TBC1D30: variants seen among roughly 807,000 people sequenced by gnomAD.
The protein encoded by TBC1D30 is TBC1 domain family, member 30.
Under a neutral mutation model 63.2 loss-of-function variants are expected in TBC1D30, and 31 were observed. That is an observed-to-expected ratio of 0.49 (90% confidence interval 0.37 to 0.66). The LOEUF (loss-of-function observed/expected upper bound fraction) is 0.66. Ranked by LOEUF, TBC1D30 falls within the 30% of genes least tolerant of loss-of-function variation. The pLI is 0.00. For synonymous variants in TBC1D30, 307 were observed against 361.5 expected, an observed-to-expected ratio of 0.85 and a Z score of 1.71; for missense variants, 810 against 953.6, an observed-to-expected ratio of 0.85 and a Z score of 1.98.
intron 2 of TBC1D30, among the ~76,000 whole-genome samples, chr12:64,786,243 C>T (rs1871563463): frequency 6.6e-6 from 1 of 152,184 alleles, no homozygotes; most frequent in Admixed American, 6.5e-5. Context: ...ATGTTACAAC[C>T]TTAGATTTAT....
chr12:64,771,320 A>C (rs1226695580), intron 1 of TBC1D30, among the ~76,000 whole-genome samples: 2 of 152,048 alleles, frequency 1.3e-5, no homozygotes, highest in Non-Finnish European at 2.9e-5. Flanking sequence ...CACCATTTGA[A>C]AAACAGCTTC....
At position 64,873,777 on chromosome 12, in the gene TBC1D30, A is replaced by G. The variant is rs570686486; in HGVS notation, c.1499-1224A>G. Among the ~76,000 whole-genome samples, 3 of 152,346 alleles carry G rather than the reference A, an allele frequency of 2.0e-5. No individual in the cohort carries two copies. In the East Asian group the frequency reaches 5.8e-4, roughly 29 times the overall value. On this transcript the variant is annotated intron_variant, in intron 11 of 11. Coordinates refer to ENST00000539867, the MANE Select transcript of TBC1D30 (RefSeq NM_015279.2). ...GGAGGGCCAATCACAGTGACAGTCAAATAATTGGGGAGGTGGCAGGAATGT... is the reference window on the plus strand; with the variant it reads ...GGAGGGCCAATCACAGTGACAGTCAGATAATTGGGGAGGTGGCAGGAATGT...
rs181032474 is a variant in TBC1D30, at chr12:64,835,908, A to G, written c.595-582A>G. Among the ~76,000 whole-genome samples, 72 of 152,338 alleles carry G rather than the reference A, an allele frequency of 4.7e-4. 1 individual carries two copies. In the East Asian group the frequency reaches 0.013, roughly 26 times the overall value. ...GAAAATAGCAATTTGAAGAACCTCT[A>G]TAACAACCTTATGAAAGAAATACAG... On this transcript the variant is annotated intron_variant, in intron 5 of 11. Transcript: ENST00000539867.
At chr12:64,830,613 G>C (rs969424373) in intron 4 of TBC1D30, 111 bp downstream of exon 4, 2 of 1,035,928 alleles carry the variant, frequency 1.9e-6, no homozygotes, top group Non-Finnish European at 2.6e-6. Flanking sequence ...TTGAATGTCT[G>C]TATATTTTCT....
At chr12:64,842,619 G>C (rs1269114826) in intron 7 of TBC1D30, among the ~76,000 whole-genome samples, 1 of 152,182 alleles carries the variant, frequency 6.6e-6, no homozygotes, top group Non-Finnish European at 1.5e-5. Context: ...GAAATATGCA[G>C]ATACAGTTCT....
chr12:64,780,002 G>A (rs1871187898), upstream of TBC1D30, among the ~76,000 whole-genome samples: 1 of 152,198 alleles, frequency 6.6e-6, no homozygotes. Context: ...ATCTCTCACA[G>A]TATCTTGTAA....
chr12:64,795,255 G>A (rs995819848), intron 2 of TBC1D30, among the ~76,000 whole-genome samples: 103 of 152,284 alleles, frequency 6.8e-4, no homozygotes, highest in African/African-American at 2.2e-3. Flanking sequence ...TCTCCTGCTC[G>A]AAGGGTGAAG....
chr12:64,835,614 G>T (rs139704099), intron 5 of TBC1D30, among the ~76,000 whole-genome samples: 1 of 152,160 alleles, frequency 6.6e-6, no homozygotes, highest in Non-Finnish European at 1.5e-5. Context: ...GAATTAGCAC[G>T]TGGATGCTCT....
intron 8 of TBC1D30, among the ~76,000 whole-genome samples, chr12:64,850,068 CTGTT>C (rs1876734403): frequency 1.3e-5 from 2 of 152,168 alleles, no homozygotes; most frequent in African/African-American, 4.8e-5. Context: ...ATTTGGCTCT[CTGTT>C]TGTCTGTTAC....
chr12:64,829,826 T>G (rs968174034), intron 3 of TBC1D30, among the ~76,000 whole-genome samples: 2 of 152,236 alleles, frequency 1.3e-5, no homozygotes, highest in Non-Finnish European at 2.9e-5. Context: ...AAACAGATTT[T>G]CTGGATAAGA....
intron 1 of TBC1D30, among the ~76,000 whole-genome samples, chr12:64,773,352 C>G (rs1387119430): frequency 6.6e-6 from 1 of 152,178 alleles, no homozygotes; most frequent in Non-Finnish European, 1.5e-5. Flanking sequence ...GGACAAAGTT[C>G]CTAAAGGGCA....
chr12:64,794,221 C>A (rs1360995849), intron 2 of TBC1D30, among the ~76,000 whole-genome samples: 1 of 152,056 alleles, frequency 6.6e-6, no homozygotes, highest in Non-Finnish European at 1.5e-5. Flanking sequence ...TCCTGAAATA[C>A]AACAATCATG....
At chr12:64,778,113 G>A (rs552526083), upstream of TBC1D30, among the ~76,000 whole-genome samples, 2 of 152,320 alleles carry the variant, frequency 1.3e-5, no homozygotes, top group African/African-American at 4.8e-5. Context: ...TGTGGGGCCT[G>A]CCAGTTTCCT....
chr12:64,797,427 T>C (rs1872344994), intron 2 of TBC1D30, among the ~76,000 whole-genome samples: 1 of 152,220 alleles, frequency 6.6e-6, no homozygotes, highest in South Asian at 2.1e-4. Flanking sequence ...CATATTTAAC[T>C]TATTTATTCC....
chr12:64,833,854 T>C (rs1414534322), intron 5 of TBC1D30, among the ~76,000 whole-genome samples: 1 of 114,168 alleles, frequency 8.8e-6, no homozygotes, highest in African/African-American at 4.1e-5. Context: ...ACTCAGTCTA[T>C]CAGCTTTCAT....
At chr12:64,799,226 C>T (rs921261325) in intron 2 of TBC1D30, among the ~76,000 whole-genome samples, 1 of 152,084 alleles carries the variant, frequency 6.6e-6, no homozygotes, top group African/African-American at 2.4e-5. Flanking sequence ...CCCCTGGGCT[C>T]AGATCCCAGT....
intron 8 of TBC1D30, among the ~76,000 whole-genome samples, chr12:64,859,826 C>T (rs1877625016): frequency 6.6e-6 from 1 of 152,080 alleles, no homozygotes; most frequent in African/African-American, 2.4e-5. Context: ...TGCTCCCATC[C>T]AGGCCTCTGT....
At chr12:64,789,633 G>C (rs1871809412) in intron 2 of TBC1D30, among the ~76,000 whole-genome samples, 1 of 152,158 alleles carries the variant, frequency 6.6e-6, no homozygotes, top group South Asian at 2.1e-4. Flanking sequence ...AAAATGGCTA[G>C]ATCATTTTTA....
rs993383880 is a variant in TBC1D30, at chr12:64,864,691, C to T, written c.1062C>T (p.Phe354=). 1.3e-6 allele frequency: 2 copies of T among 1,536,362 alleles called. No homozygotes were observed. The highest frequency in any genetic ancestry group is 2.7e-5 in the African/African-American group (2 of 73,022). Residue 354 remains phenylalanine (F), a synonymous_variant, in exon 9 of 12, where the codon TTC becomes TTT. Transcript: ENST00000539867. ...AGACTGTTTATTCCATGGCTCCGTT[C>T]CCTTTCCCACAATTGGCAGAGTTGA... ...LMQTVYSMAP[F]PFPQLAELRE... is the part of the protein sequence containing the mutation.
Sources: gnomAD v4.1 joint callset for allele counts (sites outside exome capture counted in the v4.1 genomes callset) on GRCh38, gnomAD v4.1.1 for gene constraint, MANE v1.5 for transcripts, NCBI Gene and HGNC (gene_info 2026-07-23, HGNC 2026-07-21) for gene names.